Variants in NOL4 observed in about 807,000 individuals in gnomAD.
NOL4 encodes cancer/testis antigen 125.
In NOL4, 17 loss-of-function variants were observed where a neutral mutation model predicts 75.9. That is an observed-to-expected ratio of 0.22 (90% CI 0.15 to 0.34). NOL4 has a LOEUF of 0.34. Ranked by LOEUF, NOL4 falls within the 10% of genes least tolerant of loss-of-function variation. NOL4 has a pLI of 1.00. For synonymous variants in NOL4, 292 were observed against 289.9 expected (o/e 1.01, Z -0.07); for missense variants, 614 against 793.5 (o/e 0.77, Z 2.72).
intron 9 of NOL4, among the ~76,000 whole-genome samples, chr18:33,884,002 G>A (rs1400681935): frequency 1.3e-5 from 2 of 152,096 alleles, no homozygotes; most frequent in African/African-American, 4.8e-5. Context: ...CGTCATGAAA[G>A]GGTGGAGGTG....
chr18:33,973,501 T>C lies in NOL4; in HGVS notation c.1057-15083A>G, dbSNP rs540225494. 2.5e-4 allele frequency among the ~76,000 whole-genome samples: 38 copies of C among 152,322 alleles called. No individual in the cohort carries two copies. In the East Asian group the frequency reaches 6.6e-3, roughly 26 times the overall value. On this transcript the variant is annotated intron_variant, in intron 6 of 10. Transcript: ENST00000261592. Reference sequence around the variant, plus strand: ...TAACGGTATATGGAATACTGTATTCTTTCCGGAAGGTTTTCAATTTACCTT... The same window carrying C: ...TAACGGTATATGGAATACTGTATTCCTTCCGGAAGGTTTTCAATTTACCTT...
chr18:33,955,709 A>C (rs1319427104), intron 8 of NOL4, among the ~76,000 whole-genome samples: 2 of 152,144 alleles, frequency 1.3e-5, no homozygotes, highest in Non-Finnish European at 2.9e-5. Context: ...TTCTAGAAGA[A>C]ACTTCTGAAA....
rs2145606209 is a variant in NOL4, at chr18:33,946,040, A to T, written c.1429-2862T>A. On this transcript the variant is annotated intron_variant, in intron 8 of 10. Transcript: ENST00000261592. ...TTAATAAAACAAAAAATTCTTTAAA[A>T]AATCTGTATATACAAACCATTGTTT... 2.6e-5 allele frequency among the ~76,000 whole-genome samples: 4 copies of T among 151,880 alleles called. No individual in the cohort carries two copies. The South Asian group carries it at 8.3e-4, about 31-fold the overall frequency.
intron 8 of NOL4, among the ~76,000 whole-genome samples, chr18:33,945,994 G>T (rs1303861776): frequency 6.6e-6 from 1 of 151,546 alleles, no homozygotes; most frequent in African/African-American, 2.4e-5. Flanking sequence ...TGTATATTTA[G>T]TACTTTTACA....
chr18:33,949,156 T>C (rs1894421382), intron 8 of NOL4, among the ~76,000 whole-genome samples: 1 of 152,224 alleles, frequency 6.6e-6, no homozygotes, highest in South Asian at 2.1e-4. Flanking sequence ...CTCTATCATG[T>C]CCCAAAACTG....
At chr18:34,033,472 A>G (rs1050585302) in intron 5 of NOL4, among the ~76,000 whole-genome samples, 1 of 152,080 alleles carries the variant, frequency 6.6e-6, no homozygotes, top group Admixed American at 6.5e-5. Flanking sequence ...GAACTTGAAG[A>G]CAGGTCTTTC....
intron 8 of NOL4, among the ~76,000 whole-genome samples, chr18:33,943,407 T>C (rs191019192): frequency 1.3e-5 from 2 of 151,858 alleles, no homozygotes; most frequent in African/African-American, 4.8e-5. Flanking sequence ...TTCATTCCCA[T>C]AGATCCATTG....
At position 34,023,831 on chromosome 18, in the gene NOL4, G is replaced by T. The variant is rs73955099; in HGVS notation, c.773-4230C>A. On this transcript the variant is annotated intron_variant, in intron 5 of 10. Transcript: ENST00000261592. ...CACAGATGAGACTCCTTCTTGTCTAGAAGGTCTAGTAACACAGTAAATGGC... is the reference window on the plus strand; with the variant it reads ...CACAGATGAGACTCCTTCTTGTCTATAAGGTCTAGTAACACAGTAAATGGC... Among the ~76,000 whole-genome samples, 538 of 152,110 alleles carry T rather than the reference G, an allele frequency of 3.5e-3. 1 individual carries two copies. The highest frequency in any genetic ancestry group is 0.012 in the African/African-American group (510 of 41,512).
intron 1 of NOL4, among the ~76,000 whole-genome samples, chr18:34,143,978 T>C (rs1271428278): frequency 6.6e-6 from 1 of 151,734 alleles, no homozygotes; most frequent in Non-Finnish European, 1.5e-5. Context: ...GTTGTATAAA[T>C]ACTTCTATCA....
intron 1 of NOL4, among the ~76,000 whole-genome samples, chr18:34,142,756 A>G (rs1225647551): frequency 6.6e-6 from 1 of 152,150 alleles, no homozygotes. Context: ...GGTGCAGCAC[A>G]CCAACATGGC....
chr18:33,933,323 G>A (rs1429019319), intron 9 of NOL4, among the ~76,000 whole-genome samples: 6 of 152,082 alleles, frequency 3.9e-5, no homozygotes, highest in Non-Finnish European at 8.8e-5. Context: ...GTCTTGACTC[G>A]ATATTGATGG....
rs117286329 is a variant in NOL4 at position 34,092,359 on chromosome 18, G to A, written c.772+1106C>T. On this transcript the variant is annotated intron_variant, in intron 5 of 10. Transcript: ENST00000261592. ...ATTAAGATACTATCTTAAAGTCACTGATAATCAATGCATTCCTCATTTTCT... is the reference window on the plus strand; with the variant it reads ...ATTAAGATACTATCTTAAAGTCACTAATAATCAATGCATTCCTCATTTTCT... Among the ~76,000 whole-genome samples, 4 of 152,196 alleles carry A rather than the reference G, an allele frequency of 2.6e-5. No individual in the cohort carries two copies. In the East Asian group the frequency reaches 7.7e-4, roughly 29 times the overall value.
At chr18:33,902,046 G>A (rs895474882) in intron 9 of NOL4, among the ~76,000 whole-genome samples, 2 of 151,968 alleles carry the variant, frequency 1.3e-5, no homozygotes, top group African/African-American at 4.8e-5. Flanking sequence ...AGAAAAGAGG[G>A]AAGTACAGAA....
chr18:33,941,681 T>C (rs1440731677), intron 9 of NOL4, among the ~76,000 whole-genome samples: 1 of 151,952 alleles, frequency 6.6e-6, no homozygotes, highest in Non-Finnish European at 1.5e-5. Flanking sequence ...ACTGTTACTA[T>C]TGCTGTCTTT....
chr18:34,181,921 T>G (rs960093166), intron 1 of NOL4, among the ~76,000 whole-genome samples: 2 of 151,568 alleles, frequency 1.3e-5, no homozygotes, highest in African/African-American at 2.4e-5. Context: ...GTTAGCATGT[T>G]AGGATGTGGA....
At chr18:34,027,741 T>C (rs2075418059) in intron 5 of NOL4, among the ~76,000 whole-genome samples, 1 of 152,154 alleles carries the variant, frequency 6.6e-6, no homozygotes, top group South Asian at 2.1e-4. Context: ...AAGCAGTACA[T>C]ACAGCAAATC....
At chr18:33,861,596 A>G (rs1304645312) in intron 10 of NOL4, among the ~76,000 whole-genome samples, 3 of 152,278 alleles carry the variant, frequency 2.0e-5, no homozygotes, top group East Asian at 1.9e-4. Context: ...TCAATGTACA[A>G]AAATCAAAAG....
chr18:34,196,880 G>C lies in NOL4; in HGVS notation c.264+26110C>G, dbSNP rs79281431. On this transcript the variant is annotated intron_variant, in intron 1 of 10. Transcript: ENST00000261592. ...AACTCCTTATATACTTCTGATAACAGTCTTCGAGAAGGCTTGGTAAATTAA... is the reference window on the plus strand; with the variant it reads ...AACTCCTTATATACTTCTGATAACACTCTTCGAGAAGGCTTGGTAAATTAA... Among the ~76,000 whole-genome samples the C allele has an allele frequency of 6.7e-3, 1,023 of 152,146 alleles. 10 individuals carry two copies. The highest frequency in any genetic ancestry group is 0.023 in the African/African-American group (946 of 41,546).
chr18:33,908,082 T>C (rs2066171379), intron 9 of NOL4, among the ~76,000 whole-genome samples: 1 of 152,212 alleles, frequency 6.6e-6, no homozygotes, highest in Non-Finnish European at 1.5e-5. Context: ...CAAATGGTTC[T>C]ACGGGCATGT....
Sources: gnomAD v4.1 joint callset for allele counts (sites outside exome capture counted in the v4.1 genomes callset) on GRCh38, gnomAD v4.1.1 for gene constraint, MANE v1.5 for transcripts, NCBI Gene and HGNC (gene_info 2026-07-23, HGNC 2026-07-21) for gene names.